Variants in TAF1D observed in about 807,000 individuals in gnomAD.
TAF1D encodes TATA box-binding protein-associated factor RNA polymerase I subunit D.
In TAF1D, 23 loss-of-function variants were observed where a neutral mutation model predicts 26.2. That is an observed-to-expected ratio of 0.88 (90% CI 0.63 to 1.25). The LOEUF is 1.25. Among genes scored for constraint, TAF1D ranks in the 50% most tolerant of loss-of-function variants. TAF1D has a pLI of 0.00. For synonymous variants in TAF1D, 100 were observed against 105.6 expected (o/e 0.95, Z 0.33); for missense variants, 299 against 322.0 (o/e 0.93, Z 0.55).
downstream of TAF1D, chr11:93,730,624 A>G (rs771033707): frequency 3.5e-6 from 2 of 564,264 alleles, no homozygotes; most frequent in Non-Finnish European, 6.9e-6. Context: ...TCACAGCCTC[A>G]TAAGCCCTCT....
intron 1 of TAF1D, among the ~76,000 whole-genome samples, chr11:93,740,264 G>C (rs973030643): frequency 2.0e-5 from 3 of 151,506 alleles, no homozygotes; most frequent in Admixed American, 6.6e-5. Flanking sequence ...GCAACACAAG[G>C]AGACCCTTGT....
At chr11:93,732,136 G>A (rs781351744), downstream of TAF1D, 17 of 518,320 alleles carry the variant, frequency 3.3e-5, no homozygotes, top group South Asian at 2.4e-4. Flanking sequence ...ATGAGGCATT[G>A]TAAAAGTCTT....
Position 93,736,733 on chromosome 11 carries a change from T to C in TAF1D, c.654A>G (p.Ala218=), listed in dbSNP as rs1940873747. ...CACATTCGTTATCTTCAAGATGTGT[T>C]GCATCCTCATCCTCTGCTCTGTAAT... ...IEESTAEDED[A]THLEDNECDI... Residue 218 remains alanine, a synonymous_variant, in exon 5 of 6, where the codon GCA becomes GCG. Coordinates refer to ENST00000448108, the MANE Select transcript of TAF1D (RefSeq NM_024116.4). The C allele has an allele frequency of 1.9e-6, 3 of 1,611,286 alleles. No individual in the cohort carries two copies. Among genetic ancestry groups the C allele is most frequent in the Admixed American group, 3.4e-5 (2 of 59,146 alleles).
chr11:93,740,554 G>A (rs1410698679), intron 1 of TAF1D, among the ~76,000 whole-genome samples: 2 of 151,162 alleles, frequency 1.3e-5, no homozygotes, highest in African/African-American at 4.9e-5. Context: ...TAGCTTCTTG[G>A]GACCTGACAT....
chr11:93,739,140 T>C, intron 2 of TAF1D, 97 bp downstream of exon 2: 1 of 980,636 alleles, frequency 1.0e-6, no homozygotes, highest in Non-Finnish European at 1.5e-6. Context: ...CTAGTTTTCC[T>C]TCTTTCCCAA....
downstream of TAF1D, chr11:93,734,805 T>G: frequency 8.2e-6 from 10 of 1,214,620 alleles, no homozygotes; most frequent in Non-Finnish European, 9.5e-6. Flanking sequence ...AGACAGGGTC[T>G]GTCTTTGTTA....
intron 3 of TAF1D, among the ~76,000 whole-genome samples, chr11:93,737,743 C>T (rs1201687121): frequency 2.0e-5 from 3 of 152,258 alleles, no homozygotes; most frequent in South Asian, 2.1e-4. Context: ...ATCCACTGAA[C>T]ATAAGGCATG....
intron 1 of TAF1D, 32 bp from the exon 2 acceptor site, chr11:93,739,363 A>C (rs1168132418): frequency 6.7e-7 from 1 of 1,488,492 alleles, no homozygotes; most frequent in Non-Finnish European, 9.3e-7. Context: ...AATATGACAA[A>C]GCTTCCCTAA....
downstream of TAF1D, chr11:93,730,891 TAGG>T (rs1938530370): frequency 4.4e-6 from 2 of 459,046 alleles, no homozygotes; most frequent in East Asian, 5.5e-5. Flanking sequence ...TCAAGAGATC[TAGG>T]AGAATTTTCA....
At chr11:93,741,246 G>A (rs1323583635) in intron 1 of TAF1D, 76 bp downstream of exon 1, 1 of 448,626 alleles carries the variant, frequency 2.2e-6, no homozygotes, top group African/African-American at 2.0e-5. Context: ...CAACGAAGGG[G>A]CCCCGGGAAA....
At position 93,735,583 on chromosome 11, in the gene TAF1D, G is replaced by A. The variant is rs1026108640; in HGVS notation, c.*578C>T. On this transcript the variant is annotated 3_prime_UTR_variant, in exon 6 of 6. Coordinates refer to ENST00000448108, the MANE Select transcript of TAF1D (RefSeq NM_024116.4). ...CTACTAAGGAGGCTGAGGCAGAATC[G>A]CTTGAACCCGGGAGATGGAGGTTGC... is the stretch of plus-strand genomic sequence containing the variant. 1.8e-5 allele frequency: 12 copies of A among 651,930 alleles called. No homozygotes were observed. In the East Asian group the frequency reaches 1.6e-3, roughly 87 times the overall value. The allele number at this position is 651,930 out of a possible 1,614,324, so 40.4% of individuals were successfully genotyped here. A position where few individuals can be genotyped will look rare whatever the true frequency, so the allele number is the denominator to read the frequency against.
chr11:93,733,431 T>A, downstream of TAF1D: 1 of 518,574 alleles, frequency 1.9e-6, no homozygotes, highest in East Asian at 5.5e-5. Context: ...TGGTTTTTCA[T>A]AACGTTTAGC....
exon 12 of TAF1D, chr11:93,730,317 T>C: frequency 8.0e-7 from 1 of 1,255,932 alleles, no homozygotes; most frequent in South Asian, 1.3e-5. Flanking sequence ...TATGTAGCAT[T>C]AGACAAAATT....
In TAF1D at chr11:93,736,728, T is replaced by A. The variant is rs773847255; in HGVS notation, c.659A>T (p.His220Leu). ...GATATCACATTCGTTATCTTCAAGATGTGTTGCATCCTCATCCTCTGCTCT... is the reference window on the plus strand; with the variant it reads ...GATATCACATTCGTTATCTTCAAGAAGTGTTGCATCCTCATCCTCTGCTCT... ...ESTAEDEDAT[H>L]LEDNECDIKL... Residue 220 changes from histidine to leucine, a missense_variant, in exon 5 of 6, where the codon CAT (histidine) becomes CTT (leucine). By Grantham distance (99) the His-to-Leu change is moderately conservative. Coordinates refer to ENST00000448108, the MANE Select transcript of TAF1D (RefSeq NM_024116.4). 1 of 1,611,378 alleles carries A rather than the reference T, an allele frequency of 6.2e-7. No homozygotes were observed. The highest frequency in any genetic ancestry group is 8.5e-7 in the Non-Finnish European group (1 of 1,179,278).
At position 93,737,097 on chromosome 11, in the gene TAF1D, T is replaced by C; in HGVS notation, c.602A>G (p.Asp201Gly). ...FDSRRYKFLD[D>G]DGSISPIEES... Reference sequence around the variant, plus strand: ...CTCAATAGGAGAAATGGATCCATCATCATCCAAAAATTTGTATCTACGACT... The same window carrying C: ...CTCAATAGGAGAAATGGATCCATCACCATCCAAAAATTTGTATCTACGACT... The change falls in exon 4 of 6, where the codon GAT (aspartate) becomes GGT (glycine). Residue 201 changes from aspartate to glycine, a missense_variant. Asp to Gly is a moderately conservative substitution (Grantham distance 94). Coordinates refer to ENST00000448108, the MANE Select transcript of TAF1D (RefSeq NM_024116.4). 6.2e-7 allele frequency: 1 copy of C among 1,608,938 alleles called. No homozygotes were observed. Among genetic ancestry groups the C allele is most frequent in the South Asian group, 1.1e-5 (1 of 89,412 alleles).
At chr11:93,733,005 A>G (rs1310141488), downstream of TAF1D, 1 of 332,940 alleles carries the variant, frequency 3.0e-6, no homozygotes, top group Admixed American at 4.3e-5. Flanking sequence ...ATTCTGTGTT[A>G]TACCTGAAAT....
chr11:93,739,352 A>G (rs375758700), intron 1 of TAF1D, 21 bp from the exon 2 acceptor site: 2 of 1,535,322 alleles, frequency 1.3e-6, no homozygotes, highest in African/African-American at 2.7e-5. Flanking sequence ...GAAATTTAGT[A>G]AATATGACAA....
At chr11:93,732,424 T>TA (rs746120101), downstream of TAF1D, 5 of 518,974 alleles carry the variant, frequency 9.6e-6, no homozygotes, top group Non-Finnish European at 1.5e-5. Context: ...CGATGCCAGA[T>TA]ACTGAATTTC....
intron 3 of TAF1D, 134 bp from the exon 4 acceptor site, chr11:93,737,373 G>A (rs553725376): frequency 9.6e-6 from 5 of 521,630 alleles, no homozygotes; most frequent in South Asian, 7.6e-5. Flanking sequence ...CCCACTTGTG[G>A]ACTTATCAAA....
Sources: allele counts gnomAD v4.1 joint callset (sites outside exome capture counted in the v4.1 genomes callset), GRCh38; gene constraint gnomAD v4.1.1; transcripts MANE v1.5; gene names NCBI Gene and HGNC (gene_info 2026-07-23, HGNC 2026-07-21).